DTNB: variants seen among roughly 807,000 people sequenced by gnomAD.
DTNB encodes the protein dystrobrevin beta, also known as DTN-B.
Under a neutral mutation model 90.7 loss-of-function variants are expected in DTNB, and 63 were observed. That is an observed-to-expected ratio of 0.69 (90% confidence interval 0.57 to 0.86). DTNB has a LOEUF of 0.86. Among genes scored for constraint, DTNB ranks in the 40% least tolerant of loss-of-function variants. DTNB has a pLI of 0.00. For missense variants in DTNB, 744 were observed against 807.1 expected (o/e 0.92, Z 0.95); for synonymous variants, 277 against 286.7 (o/e 0.97, Z 0.34).
At chr2:25,458,421 AAAAG>A (rs1370569388) in intron 10 of DTNB, among the ~76,000 whole-genome samples, 2 of 152,138 alleles carry the variant, frequency 1.3e-5, no homozygotes, top group South Asian at 2.1e-4. Context: ...TAAAAAAAAA[AAAAG>A]AGAGAGAGAA....
chr2:25,450,709 T>G (rs1333270590), intron 12 of DTNB, among the ~76,000 whole-genome samples: 1 of 152,266 alleles, frequency 6.6e-6, no homozygotes, highest in Admixed American at 6.5e-5. Context: ...TAGGTTTTCT[T>G]TAATTTCTTT....
intron 1 of DTNB, among the ~76,000 whole-genome samples, chr2:25,653,541 T>C (rs2081465282): frequency 7.1e-6 from 1 of 140,560 alleles, no homozygotes; most frequent in Non-Finnish European, 1.5e-5. Context: ...TTTGACAGTC[T>C]CACTCTGTAG....
intron 15 of DTNB, among the ~76,000 whole-genome samples, chr2:25,427,183 ACACAC>A (rs1199172550): frequency 2.3e-5 from 2 of 88,076 alleles, no homozygotes; most frequent in African/African-American, 7.1e-5. Flanking sequence ...ATCTCAAAAC[ACACAC>A]ACACACACAC....
chr2:25,652,803 C>A, intron 1 of DTNB, 142 bp from the exon 2 acceptor site: 1 of 660,514 alleles, frequency 1.5e-6, no homozygotes, highest in Non-Finnish European at 2.3e-6. Context: ...AAACTGGAAG[C>A]CTGATTCAGA....
chr2:25,525,919 C>A (rs2077002037), intron 9 of DTNB, among the ~76,000 whole-genome samples: 1 of 151,984 alleles, frequency 6.6e-6, no homozygotes, highest in Admixed American at 6.6e-5. Flanking sequence ...GGATAAGAAG[C>A]AGCAAATTCC....
intron 8 of DTNB, among the ~76,000 whole-genome samples, chr2:25,563,102 A>C (rs1248916503): frequency 1.3e-5 from 2 of 152,190 alleles, no homozygotes; most frequent in Non-Finnish European, 2.9e-5. Flanking sequence ...AAATCACACA[A>C]CATAAAATTT....
rs564278593 is a variant in DTNB, at chr2:25,416,134, G to A, written c.1575+3381C>T. Among the ~76,000 whole-genome samples the A allele has an allele frequency of 2.2e-3, 328 of 152,296 alleles. 3 individuals carry two copies. Among genetic ancestry groups the A allele is most frequent in the Non-Finnish European group, 3.7e-3 (253 of 68,020 alleles). The stretch of plus-strand genomic sequence containing the variant: ...GGTAGTGTCAGAATTGAATTAAATC[G>A]TAGGACACCCAGCTGGTGTCTGCAG... On this transcript the variant is annotated intron_variant, in intron 16 of 20. Coordinates refer to ENST00000406818, the MANE Select transcript of DTNB (RefSeq NM_021907.5).
rs146251976 is a variant in DTNB, at chr2:25,570,406, CAAAA to C, written c.876+6428_876+6431del. Reference sequence around the variant, plus strand: ...TGGACAATAGAGTGGTTTCCTGTCTCAAAAAAAAAAAAAAAAAAAAAAAAAGAAG... The same window carrying C: ...TGGACAATAGAGTGGTTTCCTGTCTCAAAAAAAAAAAAAAAAAAAAAGAAG... On this transcript the variant is annotated intron_variant, in intron 8 of 20. Coordinates refer to ENST00000406818, the MANE Select transcript of DTNB (RefSeq NM_021907.5). Among the ~76,000 whole-genome samples, 173 of 89,908 alleles carry C rather than the reference CAAAA, an allele frequency of 1.9e-3. 1 individual carries two copies. Among genetic ancestry groups the C allele is most frequent in the African/African-American group, 8.2e-3 (160 of 19,626 alleles). 59.0% of individuals were successfully genotyped at this position (89,908 alleles called of 152,430 possible).
intron 9 of DTNB, chr2:25,497,341 A>C (rs538499664): frequency 2.0e-5 from 3 of 152,352 alleles, no homozygotes; most frequent in African/African-American, 7.2e-5. Flanking sequence ...TCCATAGCCT[A>C]ATGAACCCGG....
intron 8 of DTNB, among the ~76,000 whole-genome samples, chr2:25,542,313 C>G (rs1236614461): frequency 6.6e-6 from 1 of 152,102 alleles, no homozygotes; most frequent in African/African-American, 2.4e-5. Context: ...GGATTTAATC[C>G]ATCAATCTAT....
intron 3 of DTNB, among the ~76,000 whole-genome samples, chr2:25,638,516 G>T (rs922967451): frequency 1.3e-5 from 2 of 152,104 alleles, no homozygotes; most frequent in African/African-American, 4.8e-5. Flanking sequence ...ATAAAGAGAA[G>T]AAAGATTAAG....
intron 8 of DTNB, among the ~76,000 whole-genome samples, chr2:25,554,171 T>C (rs2056877467): frequency 6.6e-6 from 1 of 152,178 alleles, no homozygotes; most frequent in Non-Finnish European, 1.5e-5. Context: ...TGACCAAAGT[T>C]CAAGGCCAAG....
At chr2:25,623,568 A>G (rs550562655) in intron 4 of DTNB, among the ~76,000 whole-genome samples, 26 of 152,328 alleles carry the variant, frequency 1.7e-4, no homozygotes, top group Non-Finnish European at 2.5e-4. Context: ...GTACTGATTA[A>G]GAAACTGAAT....
At chr2:25,475,336 C>T (rs749267521) in intron 10 of DTNB, among the ~76,000 whole-genome samples, 20 of 152,198 alleles carry the variant, frequency 1.3e-4, no homozygotes, top group Admixed American at 5.2e-4. Context: ...TCAAATCAGC[C>T]GCAACATTCC....
chr2:25,620,491 C>T (rs1175254000), intron 4 of DTNB, among the ~76,000 whole-genome samples: 1 of 152,052 alleles, frequency 6.6e-6, no homozygotes, highest in Non-Finnish European at 1.5e-5. Context: ...ATTCCTCCTG[C>T]CCTTTCTTTT....
chr2:25,477,751 A>G (rs2064020289), intron 10 of DTNB, among the ~76,000 whole-genome samples: 2 of 152,168 alleles, frequency 1.3e-5, no homozygotes, highest in South Asian at 4.1e-4. Context: ...AGTTTTTTTC[A>G]GAAGCCACCC....
chr2:25,638,551 T>C (rs1393091514), intron 3 of DTNB, among the ~76,000 whole-genome samples: 1 of 152,174 alleles, frequency 6.6e-6, no homozygotes, highest in Non-Finnish European at 1.5e-5. Context: ...GACATACATA[T>C]ACATATATAC....
intron 6 of DTNB, among the ~76,000 whole-genome samples, chr2:25,589,980 C>T (rs1573026704): frequency 1.3e-5 from 2 of 152,334 alleles, no homozygotes; most frequent in Admixed American, 1.3e-4. Context: ...GCCAGGCATG[C>T]CAGCTGCAGT....
At chr2:25,443,450 G>A (rs538117771) in intron 12 of DTNB, among the ~76,000 whole-genome samples, 1 of 152,182 alleles carries the variant, frequency 6.6e-6, no homozygotes, top group Admixed American at 6.5e-5. Flanking sequence ...AAAACCAAGG[G>A]ATGCCGACAC....
Sources: allele counts gnomAD v4.1 joint callset (sites outside exome capture counted in the v4.1 genomes callset), GRCh38; gene constraint gnomAD v4.1.1; transcripts MANE v1.5; gene names NCBI Gene and HGNC (gene_info 2026-07-23, HGNC 2026-07-21).